CPSF6: variants seen among roughly 807,000 people sequenced by gnomAD.
CPSF6 encodes the protein cleavage and polyadenylation specific factor 6.
CPSF6 carries 10 observed loss-of-function variants against 56.7 expected under a neutral mutation model. The ratio of observed to expected loss-of-function variants is 0.18; its 90% CI spans 0.11 to 0.30. The LOEUF (loss-of-function observed/expected upper bound fraction) is 0.30. Among genes scored for constraint, CPSF6 ranks in the 10% least tolerant of loss-of-function variants. The pLI, the probability that CPSF6 is intolerant of heterozygous loss-of-function variation, is 1.00. For synonymous variants in CPSF6, 248 were observed against 244.8 expected (o/e 1.01, Z -0.12); for missense variants, 419 against 722.9 (o/e 0.58, Z 4.82).
chr12:69,265,997 T>C lies in CPSF6; in HGVS notation c.*3+3435T>C, dbSNP rs573576079. Among the ~76,000 whole-genome samples, 8 of 150,386 alleles carry C rather than the reference T, an allele frequency of 5.3e-5. No individual in the cohort carries two copies. In the East Asian group the frequency reaches 1.6e-3, roughly 29 times the overall value. ...AAGATTTAGGATGCTTTGCATTGTG[T>C]ATTCAGCTTATTAGCTTTGTGTTAA... On this transcript the variant is annotated intron_variant, in intron 9 of 9. Transcript: ENST00000435070.
intron 3 of CPSF6, among the ~76,000 whole-genome samples, chr12:69,253,995 G>A (rs1020853552): frequency 2.0e-5 from 3 of 152,056 alleles, no homozygotes; most frequent in Non-Finnish European, 2.9e-5. Context: ...TATCTTAGAA[G>A]ATTATACCAA....
rs1164340205 is a variant in CPSF6 at position 69,258,611 on chromosome 12, C to T, written c.716C>T (p.Pro239Leu). 2.5e-6 allele frequency: 4 copies of T among 1,611,360 alleles called. No homozygotes were observed. In the East Asian group the frequency reaches 6.7e-5, roughly 27 times the overall value. ...TTAGCTGGACAGACTCCACCACGTC[C>T]ACCCTTAGGTCCTCCAGGCCCACCT... ...PFPAGQTPPR[P>L]PLGPPGPPGP... Residue 239 changes from proline (P) to leucine (L), a missense_variant, in exon 6 of 10, where the codon CCA (proline) becomes CTA (leucine). By Grantham distance (98) the Pro-to-Leu change is moderately conservative (BLOSUM62 -3). This residue lies in a region of CPSF6 where 211 missense variants were observed against 296.0 expected (regional missense o/e 0.71). Coordinates refer to ENST00000435070, the MANE Select transcript of CPSF6 (RefSeq NM_007007.3). The surrounding 1 kb of genome is among the most constrained non-coding windows in gnomAD (Gnocchi z 4.2).
rs946517158 is a variant in CPSF6, at chr12:69,239,682, G to A, written c.36G>A (p.Ala12=). Residue 12 remains alanine, a synonymous_variant, in exon 1 of 10, where the codon GCG becomes GCA. Transcript: ENST00000435070. ...ADGVDHIDIY[A]DVGEEFNQEA... Reference sequence around the variant, plus strand: ...GCGTGGACCACATAGACATTTACGCGGATGTCGGCGAAGAGTTCAACCAGG... The same window carrying A: ...GCGTGGACCACATAGACATTTACGCAGATGTCGGCGAAGAGTTCAACCAGG... 6 of 1,591,770 alleles carry A rather than the reference G, an allele frequency of 3.8e-6. No homozygotes were observed. In the African/African-American group the frequency reaches 8.3e-5, roughly 22 times the overall value.
At position 69,270,523 on chromosome 12, in the gene CPSF6, A is replaced by G. The variant is rs1371382287; in HGVS notation, c.*1015A>G. 1.3e-5 allele frequency: 2 copies of G among 151,784 alleles called. No individual in the cohort carries two copies. Among genetic ancestry groups the G allele is most frequent in the East Asian group, 3.8e-4 (2 of 5,202 alleles). 9.4% of individuals were successfully genotyped at this position (151,784 alleles called of 1,614,324 possible). On this transcript the variant is annotated 3_prime_UTR_variant, in exon 10 of 10. Transcript: ENST00000435070. ...GTGTAAATACAGCCCTGCAGCAGGT[A>G]AATGTGAGTAAAGAGAGCCTTATAT...
intron 1 of CPSF6, among the ~76,000 whole-genome samples, chr12:69,245,185 G>A (rs1871832304): frequency 6.7e-6 from 1 of 148,988 alleles, no homozygotes; most frequent in African/African-American, 2.5e-5. Context: ...GTCAAGTATT[G>A]TGTACTGTAC....
intron 4 of CPSF6, 138 bp from the exon 5 acceptor site, chr12:69,257,594 C>T: frequency 1.4e-6 from 1 of 706,282 alleles, no homozygotes; most frequent in Non-Finnish European, 2.3e-6. Flanking sequence ...CTAAACCATA[C>T]TTTCTTATGT....
chr12:69,270,130 T>C lies in CPSF6; in HGVS notation c.*622T>C, dbSNP rs1873175719. ...TTAAACATAGTAATTAAGTGTCTTT[T>C]GCCCTTGATTTTGATATTAGAATAG... On this transcript the variant is annotated 3_prime_UTR_variant, in exon 10 of 10. Coordinates refer to ENST00000435070, the MANE Select transcript of CPSF6 (RefSeq NM_007007.3). 1 of 152,226 alleles carries C rather than the reference T, an allele frequency of 6.6e-6. No individual in the cohort carries two copies. Among genetic ancestry groups the C allele is most frequent in the African/African-American group, 2.4e-5 (1 of 41,426 alleles). 9.4% of individuals were successfully genotyped at this position (152,226 alleles called of 1,614,324 possible). A position where few individuals can be genotyped will look rare whatever the true frequency, so the allele number is the denominator to read the frequency against.
At chr12:69,252,590 T>G (rs1318408724) in intron 2 of CPSF6, among the ~76,000 whole-genome samples, 1 of 152,196 alleles carries the variant, frequency 6.6e-6, no homozygotes, top group Non-Finnish European at 1.5e-5. Flanking sequence ...ATAATAATAG[T>G]GCTTATATGG....
In CPSF6 at chr12:69,253,137, A is replaced by G. The variant is rs370022026; in HGVS notation, c.357A>G (p.Ala119=). The change falls in exon 3 of 10, where the codon GCA becomes GCG. Residue 119 remains alanine (A), a synonymous_variant. Transcript: ENST00000435070. Reference sequence around the variant, plus strand: ...AGATAAAATTTTTTGAAAATCGGGCAAATGGCCAGTCAAAGGGGTAAGTTT... The same window carrying G: ...AGATAAAATTTTTTGAAAATCGGGCGAATGGCCAGTCAAAGGGGTAAGTTT... The part of the protein sequence containing the change: ...ILEIKFFENR[A]NGQSKGFALV... The G allele has an allele frequency of 9.0e-5, 142 of 1,577,944 alleles. No individual in the cohort carries two copies. The highest frequency in any genetic ancestry group is 1.1e-4 in the Non-Finnish European group (132 of 1,155,106).
Position 69,258,094 on chromosome 12 carries a change from C to A in CPSF6, c.694+189C>A. ...GCCTTTGTTCCTGGAAACTAGGATTCCATGGCATATGGGGCACAGCATAGA... is the reference window on the plus strand; with the variant it reads ...GCCTTTGTTCCTGGAAACTAGGATTACATGGCATATGGGGCACAGCATAGA... On this transcript the variant is annotated intron_variant, in intron 5 of 9. Transcript: ENST00000435070. This position sits in a 1 kb window ranked among gnomAD's most constrained non-coding sequence, Gnocchi z 4.2. 6.5e-7 allele frequency: 1 copy of A among 1,536,624 alleles called. No homozygotes were observed. Among genetic ancestry groups the A allele is most frequent in the South Asian group, 1.2e-5 (1 of 84,070 alleles).
chr12:69,258,123 A>AATAC lies in CPSF6; in HGVS notation c.694+219_694+222dup. The AATAC allele has an allele frequency of 6.5e-7, 1 of 1,534,680 alleles. No individual in the cohort carries two copies. Among genetic ancestry groups the AATAC allele is most frequent in the Non-Finnish European group, 8.7e-7 (1 of 1,145,620 alleles). On this transcript the variant is annotated intron_variant, in intron 5 of 9. Transcript: ENST00000435070. The surrounding 1 kb of genome is among the most constrained non-coding windows in gnomAD (Gnocchi z 4.2). Reference sequence around the variant, plus strand: ...GGCATATGGGGCACAGCATAGAGGAAATACCCATTTTTGGCCTAAAAGGTC... The same window carrying AATAC: ...GGCATATGGGGCACAGCATAGAGGAAATACATACCCATTTTTGGCCTAAAAGGTC...
In CPSF6 at chr12:69,271,877, G is replaced by A. The variant is rs1873261902; in HGVS notation, c.*2369G>A. 1.3e-5 allele frequency: 2 copies of A among 151,536 alleles called. No individual in the cohort carries two copies. Among genetic ancestry groups the A allele is most frequent in the Admixed American group, 6.6e-5 (1 of 15,214 alleles). The allele number at this position is 151,536 out of a possible 1,614,324, so 9.4% of individuals were successfully genotyped here. A position where few individuals can be genotyped will look rare whatever the true frequency, so the allele number is the denominator to read the frequency against. ...AAACAATCCAAAGAGATAAATCCTT[G>A]CATAGACACCAAAAACAGTGTCTCA... On this transcript the variant is annotated 3_prime_UTR_variant, in exon 10 of 10. Transcript: ENST00000435070.
intron 1 of CPSF6, among the ~76,000 whole-genome samples, chr12:69,247,096 T>C (rs988970642): frequency 6.8e-6 from 1 of 146,816 alleles, no homozygotes; most frequent in South Asian, 2.3e-4. Context: ...ATCTGTGATA[T>C]TAAAATTGTA....
At chr12:69,265,908 G>GT (rs1872958360) in intron 9 of CPSF6, among the ~76,000 whole-genome samples, 1 of 151,436 alleles carries the variant, frequency 6.6e-6, no homozygotes, top group Non-Finnish European at 1.5e-5. Context: ...GCCCAGTCTA[G>GT]TCTGATTACT....
Position 69,274,181 on chromosome 12 carries a change from T to C in CPSF6, c.*4673T>C, listed in dbSNP as rs2120688840. 6.7e-6 allele frequency: 1 copy of C among 149,838 alleles called. No individual in the cohort carries two copies. The highest frequency in any genetic ancestry group is 2.1e-4 in the South Asian group (1 of 4,706). The allele number at this position is 149,838 out of a possible 1,614,324, so 9.3% of individuals were successfully genotyped here. On this transcript the variant is annotated 3_prime_UTR_variant, in exon 10 of 10. Transcript: ENST00000435070. ...AGCTTCAATTAAAAAGCTCATTCCA[T>C]TTTATTAAAATGTTTGTAATTGCAA...
At chr12:69,254,711 G>A (rs1872424133) in intron 3 of CPSF6, among the ~76,000 whole-genome samples, 1 of 152,068 alleles carries the variant, frequency 6.6e-6, no homozygotes, top group South Asian at 2.1e-4. Context: ...TAATCCTGGT[G>A]CAAACAGCAG....
intron 2 of CPSF6, chr12:69,252,069 A>C (rs915127669): frequency 1.8e-5 from 8 of 455,712 alleles, no homozygotes; most frequent in Non-Finnish European, 3.1e-5. Context: ...CGTTTTATTT[A>C]CATTTCTTTT....
rs1873323741 is a variant in CPSF6, at chr12:69,273,029, T to C, written c.*3521T>C. 1 of 240,372 alleles carries C rather than the reference T, an allele frequency of 4.2e-6. No individual in the cohort carries two copies. The highest frequency in any genetic ancestry group is 9.1e-6 in the Non-Finnish European group (1 of 109,306). The allele number at this position is 240,372 out of a possible 1,614,324, so 14.9% of individuals were successfully genotyped here. On this transcript the variant is annotated 3_prime_UTR_variant, in exon 10 of 10. Coordinates refer to ENST00000435070, the MANE Select transcript of CPSF6 (RefSeq NM_007007.3). ...CAAAAATTATAAATTTATTAAGATG[T>C]GGCCTTACATATGGCATTCCTTGTG...
chr12:69,262,638 C>T, intron 9 of CPSF6, 76 bp downstream of exon 9: 1 of 1,351,688 alleles, frequency 7.4e-7, no homozygotes, highest in Middle Eastern at 1.9e-4. Flanking sequence ...ACTGTTTATA[C>T]AGTATATACC....
Sources: gnomAD v4.1 joint callset for allele counts (sites outside exome capture counted in the v4.1 genomes callset) on GRCh38, gnomAD v4.1.1 for gene constraint, gnomAD v4.1.1 regional missense constraint, Gnocchi (gnomAD v3.1) non-coding constraint, MANE v1.5 for transcripts, NCBI Gene and HGNC (gene_info 2026-07-23, HGNC 2026-07-21) for gene names.